SLC39A9: variants seen among roughly 807,000 people sequenced by gnomAD.
SLC39A9 encodes the protein zinc transporter ZIP9.
Under a neutral mutation model 28.4 loss-of-function variants are expected in SLC39A9, and 14 were observed. The ratio of observed to expected loss-of-function variants is 0.49; its 90% CI spans 0.33 to 0.77. SLC39A9 has a LOEUF of 0.77. Ranked by LOEUF, SLC39A9 falls within the 30% of genes least tolerant of loss-of-function variation. The pLI is 0.02. For missense variants in SLC39A9, 283 were observed against 381.1 expected (o/e 0.74, Z 2.14); for synonymous variants, 119 against 149.6 (o/e 0.80, Z 1.49).
intron 3 of SLC39A9, among the ~76,000 whole-genome samples, chr14:69,451,070 A>G (rs941721329): frequency 6.6e-6 from 1 of 152,254 alleles, no homozygotes; most frequent in African/African-American, 2.4e-5. Flanking sequence ...TAACTGGATG[A>G]TAAGCCTTTG....
chr14:69,419,531 G>A (rs996313835), intron 1 of SLC39A9, among the ~76,000 whole-genome samples: 1 of 152,192 alleles, frequency 6.6e-6, no homozygotes. Flanking sequence ...TTTGTGCAGA[G>A]TTGAGTTCAA....
chr14:69,446,644 G>A (rs778408140), intron 3 of SLC39A9, among the ~76,000 whole-genome samples: 10 of 151,838 alleles, frequency 6.6e-5, no homozygotes, highest in Admixed American at 1.3e-4. Context: ...AGGCCTAGGC[G>A]GGTGCATCAC....
Position 69,461,991 on chromosome 14 carries a change from G to C in SLC39A9, c.*3398G>C. 1 of 362,986 alleles carries C rather than the reference G, an allele frequency of 2.8e-6. No homozygotes were observed. The highest frequency in any genetic ancestry group is 5.0e-6 in the Non-Finnish European group (1 of 201,602). The allele number at this position is 362,986 out of a possible 1,614,324, so 22.5% of individuals were successfully genotyped here. ...ACATCACCCAAAGTGCACTGTTGGA[G>C]ATGCTGTGAAATTAAAACCTCTTTG... On this transcript the variant is annotated 3_prime_UTR_variant, in exon 7 of 7. Coordinates refer to ENST00000336643, the MANE Select transcript of SLC39A9 (RefSeq NM_018375.5).
chr14:69,403,699 T>G (rs1400020576), intron 1 of SLC39A9, among the ~76,000 whole-genome samples: 1 of 152,236 alleles, frequency 6.6e-6, no homozygotes, highest in Non-Finnish European at 1.5e-5. Context: ...TGCCATACTT[T>G]TCTTATTGCA....
chr14:69,449,963 G>A (rs939362207), intron 3 of SLC39A9, among the ~76,000 whole-genome samples: 4 of 151,762 alleles, frequency 2.6e-5, no homozygotes, highest in Non-Finnish European at 5.9e-5. Flanking sequence ...CGAGGCGGGT[G>A]AATCATGAGG....
chr14:69,427,947 G>A (rs1167433073), intron 2 of SLC39A9, among the ~76,000 whole-genome samples: 3 of 152,154 alleles, frequency 2.0e-5, no homozygotes, highest in African/African-American at 7.2e-5. Flanking sequence ...TTATGGGGAA[G>A]GTTGGGTGTA....
intron 1 of SLC39A9, among the ~76,000 whole-genome samples, chr14:69,410,398 T>C (rs1352075758): frequency 1.3e-5 from 2 of 152,114 alleles, no homozygotes; most frequent in African/African-American, 2.4e-5. Flanking sequence ...AGACAAGTAA[T>C]AACAACCCCT....
intron 2 of SLC39A9, among the ~76,000 whole-genome samples, chr14:69,432,568 T>C (rs1281040356): frequency 6.6e-6 from 1 of 152,156 alleles, no homozygotes; most frequent in African/African-American, 2.4e-5. Flanking sequence ...GTCCTACTTG[T>C]CGGTTTTTGT....
intron 3 of SLC39A9, among the ~76,000 whole-genome samples, chr14:69,447,844 G>C (rs999789008): frequency 1.3e-5 from 2 of 151,684 alleles, no homozygotes; most frequent in Admixed American, 6.6e-5. Context: ...GACCAGGACA[G>C]GGAGGTTACA....
At chr14:69,430,429 AT>A (rs1453318597) in intron 2 of SLC39A9, among the ~76,000 whole-genome samples, 2 of 152,066 alleles carry the variant, frequency 1.3e-5, no homozygotes. Flanking sequence ...TTGAAAAAAA[AT>A]CCCTTCTCTA....
intron 3 of SLC39A9, among the ~76,000 whole-genome samples, chr14:69,446,125 TTGG>T (rs1282606692): frequency 6.6e-6 from 1 of 151,858 alleles, no homozygotes; most frequent in Non-Finnish European, 1.5e-5. Context: ...CATGTTGATG[TTGG>T]TGGAGTCAGG....
At chr14:69,400,433 AG>A (rs1882569751) in intron 1 of SLC39A9, among the ~76,000 whole-genome samples, 2 of 152,212 alleles carry the variant, frequency 1.3e-5, no homozygotes. Flanking sequence ...TAGGTCCTTT[AG>A]GTAGGCAAAA....
At chr14:69,429,854 C>T (rs1884401435) in intron 2 of SLC39A9, among the ~76,000 whole-genome samples, 2 of 152,202 alleles carry the variant, frequency 1.3e-5, no homozygotes, top group African/African-American at 4.8e-5. Flanking sequence ...TCTCCCCTTC[C>T]TTGTCAACAC....
At chr14:69,406,528 G>A (rs73275004) in intron 1 of SLC39A9, among the ~76,000 whole-genome samples, 6,986 of 151,920 alleles carry the variant, frequency 0.046, 557 homozygotes, top group African/African-American at 0.16. Context: ...GCTCAGTATG[G>A]AATTCCACAC....
intron 3 of SLC39A9, among the ~76,000 whole-genome samples, chr14:69,449,238 G>T (rs1385978174): frequency 1.3e-5 from 2 of 152,168 alleles, no homozygotes; most frequent in Non-Finnish European, 2.9e-5. Flanking sequence ...CAGCAAATGA[G>T]AAGCACTGTT....
intron 1 of SLC39A9, among the ~76,000 whole-genome samples, chr14:69,415,512 A>T (rs924007473): frequency 1.3e-5 from 2 of 152,234 alleles, no homozygotes; most frequent in African/African-American, 4.8e-5. Flanking sequence ...TTCTACTTCA[A>T]ATACAAATCC....
intron 1 of SLC39A9, among the ~76,000 whole-genome samples, chr14:69,409,916 T>C (rs1300999415): frequency 6.6e-6 from 1 of 152,196 alleles, no homozygotes; most frequent in African/African-American, 2.4e-5. Context: ...TCACAAACAT[T>C]ATCATTATTC....
At chr14:69,402,331 A>C (rs1179809979) in intron 1 of SLC39A9, among the ~76,000 whole-genome samples, 1 of 152,164 alleles carries the variant, frequency 6.6e-6, no homozygotes, top group South Asian at 2.1e-4. Flanking sequence ...CCCACGAGCC[A>C]TGAGTTGGAC....
At chr14:69,411,682 T>C (rs1268801602) in intron 1 of SLC39A9, among the ~76,000 whole-genome samples, 1 of 151,932 alleles carries the variant, frequency 6.6e-6, no homozygotes, top group African/African-American at 2.4e-5. Context: ...TGAGATTGAA[T>C]CCCAAGTTGT....
Sources: gnomAD v4.1 joint callset for allele counts (sites outside exome capture counted in the v4.1 genomes callset) on GRCh38, gnomAD v4.1.1 for gene constraint, MANE v1.5 for transcripts, NCBI Gene and HGNC (gene_info 2026-07-23, HGNC 2026-07-21) for gene names.